Variants in HMGB1 observed in about 807,000 individuals in gnomAD.
The protein encoded by HMGB1 is high mobility group protein B1.
For synonymous variants in HMGB1, 81 were observed against 84.0 expected (o/e 0.96, Z 0.19); for missense variants, 79 against 253.5 (o/e 0.31, Z 4.67).
At chr13:30,564,439 C>T (rs1870101867) in intron 1 of HMGB1, among the ~76,000 whole-genome samples, 1 of 152,126 alleles carries the variant, frequency 6.6e-6, no homozygotes, top group Non-Finnish European at 1.5e-5. Flanking sequence ...GCACTCCAGC[C>T]TGGGCAACAG....
intron 1 of HMGB1, chr13:30,540,114 T>C (rs1868794592): frequency 6.5e-6 from 1 of 154,350 alleles, no homozygotes; most frequent in Admixed American, 6.5e-5. Flanking sequence ...TGTCCTCTGG[T>C]GGGTCCAGAT....
rs543823157 is a variant in HMGB1, at chr13:30,598,434, A to G, written c.-15+18237T>C. 1.5e-4 allele frequency among the ~76,000 whole-genome samples: 23 copies of G among 152,368 alleles called. No individual in the cohort carries two copies. The East Asian group carries it at 3.9e-3, about 26-fold the overall frequency. On this transcript the variant is annotated intron_variant, in intron 1 of 4. Transcript: ENST00000405805. ...AAAGGAAATGTTTTATGTAAAGTGAATAACAGTACCTGGCATAAAATAAGT... is the reference window on the plus strand; with the variant it reads ...AAAGGAAATGTTTTATGTAAAGTGAGTAACAGTACCTGGCATAAAATAAGT...
chr13:30,463,739 C>T (rs1886508018), intron 1 of HMGB1, 45 bp from the exon 2 acceptor site: 1 of 1,261,912 alleles, frequency 7.9e-7, no homozygotes, highest in Non-Finnish European at 1.1e-6. Flanking sequence ...AAAATTATGA[C>T]ATATAAGACC....
intron 1 of HMGB1, among the ~76,000 whole-genome samples, chr13:30,509,366 G>A (rs1593282591): frequency 6.6e-6 from 1 of 152,092 alleles, no homozygotes; most frequent in East Asian, 1.9e-4. Context: ...AGCCTCCTGA[G>A]TAGCTGGGAC....
At chr13:30,504,118 G>A (rs1338306153) in intron 1 of HMGB1, among the ~76,000 whole-genome samples, 3 of 151,822 alleles carry the variant, frequency 2.0e-5, no homozygotes, top group Non-Finnish European at 1.5e-5. Context: ...TTCCCTTTAA[G>A]AAATTCAGGT....
chr13:30,503,180 CA>C (rs944349943), intron 1 of HMGB1, among the ~76,000 whole-genome samples: 2 of 149,722 alleles, frequency 1.3e-5, no homozygotes, highest in Non-Finnish European at 1.5e-5. Context: ...ACTAAAAATA[CA>C]AAAAAAAAGA....
intron 1 of HMGB1, among the ~76,000 whole-genome samples, chr13:30,592,996 T>C (rs986712764): frequency 5.3e-5 from 8 of 152,222 alleles, no homozygotes; most frequent in Non-Finnish European, 8.8e-5. Context: ...CCTTTACTAC[T>C]GTTCCCATCT....
chr13:30,615,682 A>T (rs1950553474), intron 1 of HMGB1, among the ~76,000 whole-genome samples: 1 of 152,198 alleles, frequency 6.6e-6, no homozygotes, highest in Non-Finnish European at 1.5e-5. Context: ...GAGACTAAAA[A>T]AGAAATCATA....
intron 1 of HMGB1, among the ~76,000 whole-genome samples, chr13:30,597,602 T>G (rs1348718845): frequency 6.6e-6 from 1 of 152,230 alleles, no homozygotes; most frequent in African/African-American, 2.4e-5. Context: ...CTCAACTGTT[T>G]ACAGTATACC....
At chr13:30,506,949 A>G (rs1593281242) in intron 1 of HMGB1, among the ~76,000 whole-genome samples, 1 of 152,266 alleles carries the variant, frequency 6.6e-6, no homozygotes, top group East Asian at 1.9e-4. Flanking sequence ...GGCTACAAAG[A>G]TGAATAAGAC....
chr13:30,573,901 A>C (rs1566029330), intron 1 of HMGB1, among the ~76,000 whole-genome samples: 1 of 152,142 alleles, frequency 6.6e-6, no homozygotes, highest in African/African-American at 2.4e-5. Context: ...TGATCTACCC[A>C]ACTCAGCCTC....
chr13:30,505,483 T>C (rs2137457553), intron 1 of HMGB1, among the ~76,000 whole-genome samples: 1 of 152,224 alleles, frequency 6.6e-6, no homozygotes, highest in African/African-American at 2.4e-5. Flanking sequence ...CAACCATTTT[T>C]ATATTTTTAA....
Position 30,456,780 on chromosome 13 carries a change from G to GGGGGGA in HMGB1, c.*4576_*4577insTCCCCC, listed in dbSNP as rs1356201662. On this transcript the variant is annotated 3_prime_UTR_variant, in exon 5 of 5. Transcript: ENST00000341423. ...GTGGGCGGGGGGGGGGGGTGGTGGG[G>GGGGGGA]TGCAATTTATCAACATCTTCCAAAA... The GGGGGGA allele has an allele frequency of 3.3e-5, 4 of 120,392 alleles. No homozygotes were observed. The highest frequency in any genetic ancestry group is 1.6e-4 in the African/African-American group (4 of 24,560). The allele number at this position is 120,392 out of a possible 1,614,324, so 7.5% of individuals were successfully genotyped here.
chr13:30,507,829 A>G (rs1242496835), intron 1 of HMGB1, among the ~76,000 whole-genome samples: 1 of 152,122 alleles, frequency 6.6e-6, no homozygotes, highest in Admixed American at 6.6e-5. Context: ...CTCCATCTCT[A>G]CATAAAATTT....
chr13:30,610,485 G>C (rs1950503784), intron 1 of HMGB1, among the ~76,000 whole-genome samples: 1 of 152,202 alleles, frequency 6.6e-6, no homozygotes, highest in South Asian at 2.1e-4. Context: ...TTAACTGCCA[G>C]ACATTGTTCT....
intron 1 of HMGB1, among the ~76,000 whole-genome samples, chr13:30,473,055 C>T (rs1886983346): frequency 6.6e-6 from 1 of 152,036 alleles, no homozygotes; most frequent in Non-Finnish European, 1.5e-5. Context: ...CTACCTTAGT[C>T]TAACTTGAAA....
At position 30,460,102 on chromosome 13, in the gene HMGB1, A is replaced by G. The variant is rs1266073711; in HGVS notation, c.*1255T>C. The G allele has an allele frequency of 6.6e-6, 1 of 152,582 alleles. No homozygotes were observed. 9.5% of individuals were successfully genotyped at this position (152,582 alleles called of 1,614,324 possible). A position where few individuals can be genotyped will look rare whatever the true frequency, so the allele number is the denominator to read the frequency against. On this transcript the variant is annotated 3_prime_UTR_variant, in exon 5 of 5. Coordinates refer to ENST00000341423, the MANE Select transcript of HMGB1 (RefSeq NM_002128.7). ...TCCCTAAACTCCTAAGCAGATAAAC[A>G]TGACTAATGAATGAGTTTGTTTTGT... is the stretch of plus-strand genomic sequence containing the variant.
chr13:30,589,450 G>A (rs950201542), intron 1 of HMGB1, among the ~76,000 whole-genome samples: 1 of 152,226 alleles, frequency 6.6e-6, no homozygotes, highest in African/African-American at 2.4e-5. Flanking sequence ...TATATTTAGA[G>A]TGAAGTAGAT....
chr13:30,472,428 G>A (rs954550752), intron 1 of HMGB1, among the ~76,000 whole-genome samples: 1 of 151,926 alleles, frequency 6.6e-6, no homozygotes, highest in Non-Finnish European at 1.5e-5. Context: ...TGTTGAAACC[G>A]CATCTCTACT....
Sources: gnomAD v4.1 joint callset for allele counts (sites outside exome capture counted in the v4.1 genomes callset) on GRCh38, gnomAD v4.1.1 for gene constraint, MANE v1.5 for transcripts, NCBI Gene and HGNC (gene_info 2026-07-23, HGNC 2026-07-21) for gene names.